The following ADGRG7 variants were observed in gnomAD, a reference collection of about 807,000 sequenced individuals.
ADGRG7 encodes G-protein coupled receptor 128.
ADGRG7 carries 82 observed loss-of-function variants against 88.6 expected under a neutral mutation model. The observed-to-expected ratio is 0.93, with a 90% CI of 0.77 to 1.11. The LOEUF (loss-of-function observed/expected upper bound fraction) is 1.11, where lower values mean the gene tolerates loss of function less well. Ranked by LOEUF, ADGRG7 falls within the 50% of genes most tolerant of loss-of-function variation. ADGRG7 has a pLI of 0.00. For synonymous variants in ADGRG7, 381 were observed against 345.2 expected (o/e 1.10, Z -1.15); for missense variants, 945 against 953.4 (o/e 0.99, Z 0.12).
At chr3:100,680,579 T>C (rs902692405) in intron 15 of ADGRG7, among the ~76,000 whole-genome samples, 5 of 152,170 alleles carry the variant, frequency 3.3e-5, no homozygotes, top group Non-Finnish European at 7.4e-5. Context: ...ATTAGGGTTC[T>C]AATTTTAATT....
chr3:100,678,699 A>AT (rs2094968861), intron 15 of ADGRG7, among the ~76,000 whole-genome samples: 1 of 152,262 alleles, frequency 6.6e-6, no homozygotes, highest in African/African-American at 2.4e-5. Context: ...TCTTTTAGAC[A>AT]TACAGAGGAA....
intron 8 of ADGRG7, 129 bp from the exon 9 acceptor site, chr3:100,645,816 C>G (rs1576322962): frequency 2.6e-6 from 2 of 780,920 alleles, no homozygotes; most frequent in East Asian, 2.7e-5. Flanking sequence ...AAGGTTCAAC[C>G]AGTAAACCAT....
intron 3 of ADGRG7, among the ~76,000 whole-genome samples, chr3:100,631,550 T>C (rs16842435): frequency 0.016 from 2,488 of 152,214 alleles, 71 homozygotes; most frequent in African/African-American, 0.056. Context: ...ATTTGAGCAG[T>C]CCTACTTCTC....
rs142533443 is a variant in ADGRG7, at chr3:100,675,591, G to A, written c.2136+6486G>A. ...CTTTCTTTTTGATGTGCCTTTTTCT[G>A]GTTTTGGCACCAGGGTAATACTGGC... On this transcript the variant is annotated intron_variant, in intron 15 of 15. Transcript: ENST00000273352. Among the ~76,000 whole-genome samples, 291 of 151,978 alleles carry A rather than the reference G, an allele frequency of 1.9e-3. 2 individuals are homozygous for A. Among genetic ancestry groups the A allele is most frequent in the African/African-American group, 6.7e-3 (279 of 41,446 alleles).
chr3:100,671,817 T>A (rs576614045), intron 15 of ADGRG7, among the ~76,000 whole-genome samples: 11 of 152,340 alleles, frequency 7.2e-5, no homozygotes, highest in African/African-American at 2.2e-4. Context: ...TAGGGAATCC[T>A]TTCTCCATTG....
At chr3:100,612,217 TA>T (rs988467746) in intron 1 of ADGRG7, among the ~76,000 whole-genome samples, 4 of 151,478 alleles carry the variant, frequency 2.6e-5, no homozygotes, top group Non-Finnish European at 5.9e-5. Flanking sequence ...TTGTGAAAAA[TA>T]AAAAAAAATT....
intron 15 of ADGRG7, among the ~76,000 whole-genome samples, chr3:100,692,043 G>A (rs2094994834): frequency 6.6e-6 from 1 of 152,194 alleles, no homozygotes. Flanking sequence ...TGTGAAGCTG[G>A]TGTCATGTTG....
chr3:100,670,073 T>TA (rs2094956537), intron 15 of ADGRG7, among the ~76,000 whole-genome samples: 1 of 152,066 alleles, frequency 6.6e-6, no homozygotes, highest in Non-Finnish European at 1.5e-5. Flanking sequence ...ATAATCACCC[T>TA]GTTGTGCTGT....
rs745915294 is a variant in ADGRG7 at position 100,657,479 on chromosome 3, C to G, written c.1823+1484C>G. 7.9e-4 allele frequency among the ~76,000 whole-genome samples: 121 copies of G among 152,232 alleles called. 1 individual carries two copies. The highest frequency in any genetic ancestry group is 4.6e-4 in the Admixed American group (7 of 15,290). On this transcript the variant is annotated intron_variant, in intron 13 of 15. Coordinates refer to ENST00000273352, the MANE Select transcript of ADGRG7 (RefSeq NM_032787.3). ...GGGTGAATGTAGGGCAGGCCACATT[C>G]CTCTTTAATGCTCTACCCCCAGTTC... is the stretch of plus-strand genomic sequence containing the variant.
chr3:100,611,279 C>CCTTCCTTTCTTT (rs1559666842), intron 1 of ADGRG7, among the ~76,000 whole-genome samples: 6 of 143,602 alleles, frequency 4.2e-5, no homozygotes, highest in African/African-American at 1.3e-4. Context: ...TTCCTTCCTT[C>CCTTCCTTTCTTT]CTTCCTTCCT....
At chr3:100,677,022 T>C (rs2149038278) in intron 15 of ADGRG7, among the ~76,000 whole-genome samples, 1 of 152,188 alleles carries the variant, frequency 6.6e-6, no homozygotes, top group Admixed American at 6.5e-5. Flanking sequence ...TATCATTGGG[T>C]CTTGTTTTTT....
intron 3 of ADGRG7, 128 bp from the exon 4 acceptor site, chr3:100,633,137 C>A: frequency 2.3e-6 from 1 of 428,164 alleles, no homozygotes; most frequent in Non-Finnish European, 4.0e-6. Flanking sequence ...GTGGTATCTG[C>A]CTAAAAATAA....
intron 15 of ADGRG7, among the ~76,000 whole-genome samples, chr3:100,691,162 C>G (rs1237729078): frequency 6.6e-6 from 1 of 152,236 alleles, no homozygotes; most frequent in Non-Finnish European, 1.5e-5. Context: ...ACCCTCCGAC[C>G]CAGGTGCGAG....
chr3:100,633,409 G>A, intron 4 of ADGRG7, 32 bp downstream of exon 4: 1 of 1,248,970 alleles, frequency 8.0e-7, no homozygotes, highest in Non-Finnish European at 1.1e-6. Context: ...TGGGCAACTG[G>A]AAGAAGTTCT....
intron 1 of ADGRG7, among the ~76,000 whole-genome samples, chr3:100,620,251 A>G (rs1707291070): frequency 6.6e-6 from 1 of 152,258 alleles, no homozygotes; most frequent in East Asian, 1.9e-4. Context: ...AGGCTGGTTC[A>G]ACATACGCAA....
intron 15 of ADGRG7, 35 bp downstream of exon 15, chr3:100,669,140 C>T (rs374430063): frequency 1.1e-4 from 160 of 1,450,680 alleles, no homozygotes; most frequent in African/African-American, 2.2e-4. Flanking sequence ...TAGCAGAACA[C>T]GCAGTGGTGG....
At chr3:100,636,386 A>C (rs1418238093) in intron 5 of ADGRG7, among the ~76,000 whole-genome samples, 1 of 152,252 alleles carries the variant, frequency 6.6e-6, no homozygotes, top group East Asian at 1.9e-4. Context: ...ACTGCAATGC[A>C]TTTCTATTAA....
At chr3:100,669,506 C>T (rs1465938555) in intron 15 of ADGRG7, among the ~76,000 whole-genome samples, 1 of 139,730 alleles carries the variant, frequency 7.2e-6, no homozygotes, top group African/African-American at 2.8e-5. Context: ...CGCACTCCAG[C>T]CTGGGCGACA....
At chr3:100,689,470 C>T (rs556951955) in intron 15 of ADGRG7, among the ~76,000 whole-genome samples, 10 of 152,280 alleles carry the variant, frequency 6.6e-5, no homozygotes, top group African/African-American at 1.7e-4. Context: ...TTCCTAGCCT[C>T]GATGGTCTTT....
Sources: allele counts gnomAD v4.1 joint callset (sites outside exome capture counted in the v4.1 genomes callset), GRCh38; gene constraint gnomAD v4.1.1; transcripts MANE v1.5; gene names NCBI Gene and HGNC (gene_info 2026-07-23, HGNC 2026-07-21).